WDHD1: variants seen among roughly 807,000 people sequenced by gnomAD.
WDHD1 encodes WD repeat and HMG-box DNA binding protein 1.
Under a neutral mutation model 135.4 loss-of-function variants are expected in WDHD1, and 111 were observed. The ratio of observed to expected loss-of-function variants is 0.82; its 90% CI spans 0.70 to 0.96. WDHD1 has a LOEUF of 0.96. Among genes scored for constraint, WDHD1 ranks in the 40% least tolerant of loss-of-function variants. The pLI is 0.00. For missense variants in WDHD1, 1,351 were observed against 1,336.3 expected (o/e 1.01, Z -0.17); for synonymous variants, 434 against 439.0 (o/e 0.99, Z 0.14).
chr14:54,987,306 T>A lies in WDHD1; in HGVS notation c.1608A>T (p.Glu536Asp), dbSNP rs2041709402. ...CCCATCCTTGACCGAGACATATGGC[T>A]TCAATATCCTCATTCTGAGGCAAGT... ...IIDLPQNEDI[E>D]AICLGQGWAA... is the part of the protein sequence containing the mutation. The change falls in exon 14 of 26, where the codon GAA becomes GAT. Residue 536 changes from glutamate (E) to aspartate (D), a missense_variant. Glu to Asp is a conservative substitution (Grantham distance 45). Around this residue, in one of 2 missense-constraint regions of WDHD1, gnomAD observed 1,330 missense variants for 1,296.1 expected, o/e 1.03. Transcript: ENST00000360586. 2.5e-6 allele frequency: 4 copies of A among 1,614,042 alleles called. No homozygotes were observed. In the East Asian group the frequency reaches 8.9e-5, roughly 36 times the overall value.
chr14:54,972,942 G>C (rs1485439168), intron 16 of WDHD1, among the ~76,000 whole-genome samples: 1 of 152,198 alleles, frequency 6.6e-6, no homozygotes, highest in African/African-American at 2.4e-5. Flanking sequence ...GTCTAAACCT[G>C]TTCTGAGTAG....
chr14:55,027,055 G>T lies in WDHD1; in HGVS notation c.-44C>A, dbSNP rs1180907886. 4.3e-6 allele frequency: 2 copies of T among 463,504 alleles called. No individual in the cohort carries two copies. The highest frequency in any genetic ancestry group is 3.3e-5 in the Admixed American group (1 of 30,232). The allele number at this position is 463,504 out of a possible 1,614,324, so 28.7% of individuals were successfully genotyped here. A position where few individuals can be genotyped will look rare whatever the true frequency, so the allele number is the denominator to read the frequency against. ...GGGTGACCGAGCCTCCGCCACTGAG[G>T]ATCCACAAGAGCTGCTTCCCGCGCT... On this transcript the variant is annotated 5_prime_UTR_variant, in exon 1 of 26. Coordinates refer to ENST00000360586, the MANE Select transcript of WDHD1 (RefSeq NM_007086.4).
intron 3 of WDHD1, among the ~76,000 whole-genome samples, chr14:55,012,900 G>C (rs1347245176): frequency 6.6e-6 from 1 of 152,014 alleles, no homozygotes; most frequent in African/African-American, 2.4e-5. Flanking sequence ...TCCAACACAT[G>C]CTTTTAGGGG....
rs138912927 is a variant in WDHD1 at position 54,968,841 on chromosome 14, C to T, written c.2064-1447G>A. On this transcript the variant is annotated intron_variant, in intron 16 of 25. Transcript: ENST00000360586. ...GAATCACTTGAGGTCAGAAGTTTGA[C>T]ACCACCCTGGGCAACAAAATGAGAC... 9.9e-4 allele frequency among the ~76,000 whole-genome samples: 150 copies of T among 152,200 alleles called. 1 individual carries two copies. Among genetic ancestry groups the T allele is most frequent in the African/African-American group, 3.6e-3 (150 of 41,534 alleles).
intron 14 of WDHD1, among the ~76,000 whole-genome samples, chr14:54,986,375 C>G (rs1403239296): frequency 6.6e-6 from 1 of 152,026 alleles, no homozygotes; most frequent in Non-Finnish European, 1.5e-5. Context: ...CTATTGCTAT[C>G]CAGACTTGTA....
intron 3 of WDHD1, 87 bp downstream of exon 3, chr14:55,013,398 T>C (rs374634521): frequency 1.1e-6 from 1 of 870,462 alleles, no homozygotes; most frequent in Admixed American, 2.1e-5. Context: ...CAAAGGTATA[T>C]CTATATTCAA....
intron 2 of WDHD1, among the ~76,000 whole-genome samples, chr14:55,026,446 T>G (rs762295617): frequency 6.6e-6 from 1 of 152,170 alleles, no homozygotes; most frequent in African/African-American, 2.4e-5. Context: ...ATTAATAATG[T>G]AAGATGCAGG....
intron 16 of WDHD1, among the ~76,000 whole-genome samples, chr14:54,979,158 A>G (rs2041577000): frequency 6.6e-6 from 1 of 151,932 alleles, no homozygotes; most frequent in Non-Finnish European, 1.5e-5. Context: ...TCTTCACACC[A>G]AAGTTCTTTT....
Position 54,989,057 on chromosome 14 carries a change from C to T in WDHD1, c.1497G>A (p.Leu499=). The change falls in exon 13 of 26, where the codon TTG becomes TTA. Residue 499 remains leucine (L), a synonymous_variant. Coordinates refer to ENST00000360586, the MANE Select transcript of WDHD1 (RefSeq NM_007086.4). ...CTAGTTCATCAGTGCTTTCACATGC[C>T]AACAAAATAGCTTCGTGGGAAAGAT... is the stretch of plus-strand genomic sequence containing the variant. ...IADLSHEAIL[L]ACESTDELAS... 6.2e-7 allele frequency: 1 copy of T among 1,611,978 alleles called. No individual in the cohort carries two copies. The highest frequency in any genetic ancestry group is 8.5e-7 in the Non-Finnish European group (1 of 1,178,798).
At chr14:54,990,595 C>CAAA (rs576507654) in intron 12 of WDHD1, among the ~76,000 whole-genome samples, 2 of 86,018 alleles carry the variant, frequency 2.3e-5, no homozygotes, top group African/African-American at 4.5e-5. Flanking sequence ...GACTCCATCT[C>CAAA]AAAAAAAAAA....
chr14:55,001,014 A>C (rs749879999), intron 8 of WDHD1, 22 bp from the exon 9 acceptor site: 1 of 1,412,000 alleles, frequency 7.1e-7, no homozygotes, highest in Non-Finnish European at 9.6e-7. Flanking sequence ...AACAGTTAAT[A>C]AATAATGATT....
rs1594601977 is a variant in WDHD1 at position 55,025,134 on chromosome 14, C to T, written c.77+1577G>A. Among the ~76,000 whole-genome samples the T allele has an allele frequency of 3.2e-5, 4 of 125,658 alleles. No homozygotes were observed. The South Asian group carries it at 1.3e-3, about 40-fold the overall frequency. 82.4% of individuals were successfully genotyped at this position (125,658 alleles called of 152,430 possible). Reference sequence around the variant, plus strand: ...ACCGCCTTAGGGCTGGAGGTGGGACCTGCGGGCAGCAATACTGCTTTGTAA... The same window carrying T: ...ACCGCCTTAGGGCTGGAGGTGGGACTTGCGGGCAGCAATACTGCTTTGTAA... On this transcript the variant is annotated intron_variant, in intron 2 of 25. Coordinates refer to ENST00000360586, the MANE Select transcript of WDHD1 (RefSeq NM_007086.4).
At chr14:55,000,436 G>GT in intron 10 of WDHD1, 67 bp downstream of exon 10, 1 of 1,441,880 alleles carries the variant, frequency 6.9e-7, no homozygotes, top group African/African-American at 1.4e-5. Flanking sequence ...GCAGTTTGTG[G>GT]TGTCTTCCAA....
intron 24 of WDHD1, among the ~76,000 whole-genome samples, chr14:54,947,291 T>C (rs946590300): frequency 1.1e-4 from 16 of 152,088 alleles, no homozygotes; most frequent in Admixed American, 3.3e-4. Context: ...TGAGCCGAGA[T>C]TGTGCCATTG....
intron 24 of WDHD1, among the ~76,000 whole-genome samples, chr14:54,948,678 T>A (rs998545851): frequency 2.6e-5 from 4 of 152,164 alleles, no homozygotes; most frequent in African/African-American, 9.7e-5. Flanking sequence ...GAGTTTGAGA[T>A]CTGAGAATGG....
intron 21 of WDHD1, among the ~76,000 whole-genome samples, chr14:54,959,452 G>A (rs2041214129): frequency 6.6e-6 from 1 of 151,106 alleles, no homozygotes; most frequent in Admixed American, 6.6e-5. Context: ...AGGCAGGCAG[G>A]CAGGCAGGCA....
At chr14:55,014,873 C>T (rs1342622661) in intron 2 of WDHD1, among the ~76,000 whole-genome samples, 1 of 151,870 alleles carries the variant, frequency 6.6e-6, no homozygotes, top group African/African-American at 2.4e-5. Context: ...ACTAGATATG[C>T]TAAGACTGGT....
At chr14:55,005,289 G>A (rs1013308525) in intron 7 of WDHD1, 11 of 547,088 alleles carry the variant, frequency 2.0e-5, no homozygotes, top group East Asian at 9.4e-5. Context: ...GCCTCTGTGA[G>A]AGGCTGGTGA....
chr14:55,012,285 G>A (rs763719232), intron 3 of WDHD1, among the ~76,000 whole-genome samples: 108 of 151,984 alleles, frequency 7.1e-4, no homozygotes, highest in Non-Finnish European at 1.4e-3. Flanking sequence ...CCTTAAATGC[G>A]CCTGGGTTTG....
Sources: gnomAD v4.1 joint callset for allele counts (sites outside exome capture counted in the v4.1 genomes callset) on GRCh38, gnomAD v4.1.1 for gene constraint, gnomAD v4.1.1 regional missense constraint, MANE v1.5 for transcripts, NCBI Gene and HGNC (gene_info 2026-07-23, HGNC 2026-07-21) for gene names.